The following PLOD2 variants were observed in gnomAD, a reference collection of about 807,000 sequenced individuals.
PLOD2 encodes procollagen-lysine,2-oxoglutarate 5-dioxygenase 2, also known as lysine hydroxylase 2.
In PLOD2, 65 loss-of-function variants were observed where a neutral mutation model predicts 101.0. The observed-to-expected ratio is 0.64, with a 90% CI of 0.53 to 0.79. The LOEUF is 0.79. Ranked by LOEUF, PLOD2 falls within the 30% of genes least tolerant of loss-of-function variation. PLOD2 has a pLI of 0.00. For synonymous variants in PLOD2, 314 were observed against 302.9 expected, an observed-to-expected ratio of 1.04 and a Z score of -0.38; for missense variants, 909 against 914.6, an observed-to-expected ratio of 0.99 and a Z score of 0.08.
rs528649902 is a variant in PLOD2, at chr3:146,079,310, GT to G, written c.1359-54del. The stretch of plus-strand genomic sequence containing the variant: ...ATACCACAAATACAAACAATTTTAA[GT>G]TTCATTTTTACCTTTTTAAAATAAA... On this transcript the variant is annotated intron_variant, in intron 12 of 19. Transcript: ENST00000282903. The G allele has an allele frequency of 9.3e-5, 130 of 1,403,056 alleles. 1 individual carries two copies. In the South Asian group the frequency reaches 1.1e-3, roughly 12 times the overall value. 86.9% of individuals were successfully genotyped at this position (1,403,056 alleles called of 1,614,324 possible).
intron 15 of PLOD2, 132 bp downstream of exon 15, chr3:146,076,650 T>C (rs929398445): frequency 1.0e-5 from 6 of 596,942 alleles, no homozygotes; most frequent in African/African-American, 3.8e-5. Flanking sequence ...CAGTATCTCA[T>C]TGTGGTTTTG....
At chr3:146,144,203 T>C (rs1432671424) in intron 1 of PLOD2, among the ~76,000 whole-genome samples, 1 of 152,114 alleles carries the variant, frequency 6.6e-6, no homozygotes, top group East Asian at 1.9e-4. Context: ...TTGTTTACCG[T>C]CCTTTCTAAC....
At chr3:146,130,819 T>C (rs959154485) in intron 1 of PLOD2, among the ~76,000 whole-genome samples, 1 of 152,174 alleles carries the variant, frequency 6.6e-6, no homozygotes, top group Non-Finnish European at 1.5e-5. Flanking sequence ...TTTTATTATG[T>C]TCAGAAAAGA....
At chr3:146,097,191 C>G (rs541893838) in intron 7 of PLOD2, among the ~76,000 whole-genome samples, 1 of 149,598 alleles carries the variant, frequency 6.7e-6, no homozygotes, top group African/African-American at 2.5e-5. Flanking sequence ...GTCAGCCCCC[C>G]GCCCGGCCAG....
intron 14 of PLOD2, chr3:146,077,611 A>C: frequency 5.2e-6 from 2 of 382,760 alleles, no homozygotes; most frequent in South Asian, 6.2e-5. Flanking sequence ...AAAAGAATGA[A>C]AGGGACTTAG....
chr3:146,082,294 C>T (rs569504046), intron 11 of PLOD2, among the ~76,000 whole-genome samples: 21 of 152,222 alleles, frequency 1.4e-4, no homozygotes, highest in Middle Eastern at 3.4e-3. Flanking sequence ...TTAAGATATT[C>T]AATGAATATT....
intron 4 of PLOD2, among the ~76,000 whole-genome samples, chr3:146,109,936 AAGCTTAC>A (rs1937598457): frequency 6.6e-6 from 1 of 152,060 alleles, no homozygotes; most frequent in Admixed American, 6.6e-5. Flanking sequence ...TCAAGTAAGG[AAGCTTAC>A]TAAACTTATT....
At chr3:146,160,835 C>A (rs1339182311) in intron 1 of PLOD2, 46 bp downstream of exon 1, 5 of 1,267,964 alleles carry the variant, frequency 3.9e-6, no homozygotes, top group Admixed American at 3.9e-5. Flanking sequence ...ACTGCCCCCC[C>A]GCCGGCCGAG....
chr3:146,070,898 C>T (rs1350613087), intron 19 of PLOD2, 26 bp from the exon 20 acceptor site: 1 of 1,583,192 alleles, frequency 6.3e-7, no homozygotes, highest in South Asian at 1.1e-5. Context: ...TGAAGAAATA[C>T]ATCAGATTAT....
Position 146,070,636 on chromosome 3 carries a change from C to A in PLOD2, c.*81G>T, listed in dbSNP as rs1310834526. ...GATGTTATTTAAATATTCCTCTCATCTTCTCAGCCACAACTTCAAAGACGT... is the reference window on the plus strand; with the variant it reads ...GATGTTATTTAAATATTCCTCTCATATTCTCAGCCACAACTTCAAAGACGT... On this transcript the variant is annotated 3_prime_UTR_variant, in exon 20 of 20. Transcript: ENST00000282903. 5 of 909,602 alleles carry A rather than the reference C, an allele frequency of 5.5e-6. No homozygotes were observed. The highest frequency in any genetic ancestry group is 4.9e-5 in the East Asian group (2 of 40,600). The allele number at this position is 909,602 out of a possible 1,614,324, so 56.3% of individuals were successfully genotyped here. A position where few individuals can be genotyped will look rare whatever the true frequency, so the allele number is the denominator to read the frequency against.
chr3:146,082,592 A>G (rs999981449), intron 11 of PLOD2, among the ~76,000 whole-genome samples: 3 of 152,084 alleles, frequency 2.0e-5, no homozygotes, highest in African/African-American at 7.2e-5. Context: ...ACAAAAGTGA[A>G]ATAAATAAAC....
At chr3:146,143,737 C>T (rs1057127651) in intron 1 of PLOD2, among the ~76,000 whole-genome samples, 8 of 152,074 alleles carry the variant, frequency 5.3e-5, no homozygotes, top group African/African-American at 1.9e-4. Context: ...TCAGCCTGTA[C>T]TACATTCACC....
intron 10 of PLOD2, chr3:146,085,993 A>G (rs1416709412): frequency 6.6e-6 from 1 of 152,188 alleles, no homozygotes; most frequent in Non-Finnish European, 1.5e-5. Context: ...AATATTAAAG[A>G]AAATATGTTC....
At chr3:146,158,101 T>A (rs1401044009) in intron 1 of PLOD2, among the ~76,000 whole-genome samples, 1 of 152,116 alleles carries the variant, frequency 6.6e-6, no homozygotes, top group Non-Finnish European at 1.5e-5. Flanking sequence ...ACAAATTTTA[T>A]CCAGGTCTGG....
chr3:146,104,533 T>A (rs1937502683), intron 5 of PLOD2, among the ~76,000 whole-genome samples, 191 bp from the exon 6 acceptor site: 1 of 152,224 alleles, frequency 6.6e-6, no homozygotes, highest in Admixed American at 6.5e-5. Context: ...TGCAACTCAT[T>A]GCAAAATACA....
chr3:146,159,302 T>G (rs1184303911), intron 1 of PLOD2, among the ~76,000 whole-genome samples: 1 of 152,190 alleles, frequency 6.6e-6, no homozygotes, highest in East Asian at 1.9e-4. Flanking sequence ...CCATTAAAAG[T>G]TTACTGTCCA....
chr3:146,083,408 C>A lies in PLOD2; in HGVS notation c.1233-1545G>T, dbSNP rs1936631794. Among the ~76,000 whole-genome samples, 5 of 152,102 alleles carry A rather than the reference C, an allele frequency of 3.3e-5. No homozygotes were observed. In the South Asian group the frequency reaches 1.0e-3, roughly 31 times the overall value. On this transcript the variant is annotated intron_variant, in intron 11 of 19. Coordinates refer to ENST00000282903, the MANE Select transcript of PLOD2 (RefSeq NM_182943.3). ...CCAATCTACTAAATCTTGCAACATT[C>A]CTGGCATATGTCAATAGACTATAGA...
intron 1 of PLOD2, among the ~76,000 whole-genome samples, chr3:146,156,431 C>T (rs115585842): frequency 0.01 from 1,551 of 152,348 alleles, 33 homozygotes; most frequent in African/African-American, 0.035. Flanking sequence ...AATAAGTAAA[C>T]AAATGAATGT....
chr3:146,072,852 A>C (rs999383389), intron 16 of PLOD2, among the ~76,000 whole-genome samples, 187 bp from the exon 17 acceptor site: 6 of 151,608 alleles, frequency 4.0e-5, no homozygotes, highest in African/African-American at 1.5e-4. Flanking sequence ...AGAATTGATG[A>C]CATCTTACAT....
Sources: gnomAD v4.1 joint callset for allele counts (sites outside exome capture counted in the v4.1 genomes callset) on GRCh38, gnomAD v4.1.1 for gene constraint, MANE v1.5 for transcripts, NCBI Gene and HGNC (gene_info 2026-07-23, HGNC 2026-07-21) for gene names.